Variants in XKR9 observed in about 807,000 individuals in gnomAD.
XKR9 encodes XK related 9.
A neutral mutation model predicts 32.0 loss-of-function variants in XKR9; 32 were observed. The observed-to-expected ratio is 1.00, with a 90% confidence interval of 0.76 to 1.34. The LOEUF is 1.34. XKR9 is among the 40% of genes most tolerant of loss of function. The pLI is 0.00. For missense variants in XKR9, 546 were observed against 429.7 expected, an observed-to-expected ratio of 1.27 and a Z score of -2.39; for synonymous variants, 168 against 143.4, an observed-to-expected ratio of 1.17 and a Z score of -1.22.
At chr8:70,874,286 T>C in the XKR9 span, among the ~76,000 whole-genome samples, 1 of 152,154 alleles carries the variant, frequency 6.6e-6, no homozygotes, top group African/African-American at 2.4e-5. Context: ...AAATAACGTA[T>C]GAAGGTTACT....
the XKR9 span, among the ~76,000 whole-genome samples, chr8:71,063,440 A>G: frequency 6.6e-6 from 1 of 152,142 alleles, no homozygotes; most frequent in Admixed American, 6.6e-5. Flanking sequence ...GGTAGGAGCA[A>G]GAATTCTGCA....
the XKR9 span, among the ~76,000 whole-genome samples, chr8:70,856,744 G>A: frequency 1.1e-4 from 17 of 152,242 alleles, no homozygotes; most frequent in Middle Eastern, 0.017. Flanking sequence ...CTCAGCAAAT[G>A]TAAAAGAACA....
At chr8:70,935,254 T>C in the XKR9 span, among the ~76,000 whole-genome samples, 31 of 150,688 alleles carry the variant, frequency 2.1e-4, no homozygotes, top group African/African-American at 7.3e-4. Flanking sequence ...TAAATTGGAA[T>C]ATTATTACAT....
chr8:70,698,545 A>T (rs9694313), intron 3 of XKR9, among the ~76,000 whole-genome samples: 49,115 of 151,148 alleles, frequency 0.32, 8,870 homozygotes, highest in Middle Eastern at 0.43. Context: ...CTGTGGTCTG[A>T]GAGACAGTTT....
At chr8:70,896,779 A>T in the XKR9 span, among the ~76,000 whole-genome samples, 1 of 151,816 alleles carries the variant, frequency 6.6e-6, no homozygotes, top group Admixed American at 6.6e-5. Flanking sequence ...TATTAATGGG[A>T]TGTATGAGAT....
At position 70,709,619 on chromosome 8, in the gene XKR9, C is replaced by T. The variant is rs560682882; in HGVS notation, c.493+2466C>T. 7.2e-5 allele frequency among the ~76,000 whole-genome samples: 11 copies of T among 152,180 alleles called. No homozygotes were observed. In the South Asian group the frequency reaches 2.1e-3, roughly 29 times the overall value. ...CTTCAGTAAAATTGGTATACAAGAT[C>T]GATGTACAAAACAGTAGCATTTTTT... On this transcript the variant is annotated intron_variant, in intron 4 of 4. Transcript: ENST00000408926.
At chr8:70,766,316 T>C (rs918608546) in intron 2 of XKR9, among the ~76,000 whole-genome samples, 2 of 152,232 alleles carry the variant, frequency 1.3e-5, no homozygotes, top group African/African-American at 4.8e-5. Flanking sequence ...GAAGAGGTCC[T>C]TTACATCCTT....
the XKR9 span, among the ~76,000 whole-genome samples, chr8:70,813,498 A>G: frequency 6.6e-6 from 1 of 152,198 alleles, no homozygotes; most frequent in Non-Finnish European, 1.5e-5. Flanking sequence ...ATCAGAGTGA[A>G]CAGGCAACCT....
At chr8:70,924,488 C>T in the XKR9 span, among the ~76,000 whole-genome samples, 1 of 152,280 alleles carries the variant, frequency 6.6e-6, no homozygotes, top group East Asian at 1.9e-4. Context: ...AACTCTTAAC[C>T]TATCATCTGG....
the XKR9 span, among the ~76,000 whole-genome samples, chr8:70,847,369 G>A: frequency 1.3e-5 from 2 of 151,852 alleles, no homozygotes; most frequent in South Asian, 2.1e-4. Context: ...TTATATTAAT[G>A]AATACCTACA....
intron 3 of XKR9, among the ~76,000 whole-genome samples, chr8:70,684,240 TC>T (rs1477913205): frequency 2.0e-5 from 3 of 152,208 alleles, no homozygotes; most frequent in African/African-American, 7.2e-5. Flanking sequence ...TTTAACATTT[TC>T]TTTACTATAT....
the XKR9 span, among the ~76,000 whole-genome samples, chr8:71,038,698 A>G: frequency 2.2e-5 from 3 of 138,970 alleles, no homozygotes; most frequent in Non-Finnish European, 4.5e-5. Flanking sequence ...TATTAATTGT[A>G]TTACTTCAGC....
chr8:70,933,628 T>G, the XKR9 span, among the ~76,000 whole-genome samples: 1 of 152,042 alleles, frequency 6.6e-6, no homozygotes, highest in African/African-American at 2.4e-5. Context: ...TCACTGTTTC[T>G]CCTAAGTGAT....
chr8:70,793,652 C>G (rs1267595621), downstream of XKR9, among the ~76,000 whole-genome samples: 2 of 152,106 alleles, frequency 1.3e-5, no homozygotes, highest in African/African-American at 4.8e-5. Flanking sequence ...TCATCTAAAA[C>G]CAATTGATCA....
the XKR9 span, among the ~76,000 whole-genome samples, chr8:71,039,178 A>C: frequency 6.6e-6 from 1 of 152,136 alleles, no homozygotes; most frequent in Non-Finnish European, 1.5e-5. Context: ...GTATTCTACA[A>C]AGGTGGTTAG....
chr8:71,032,787 G>A, the XKR9 span, among the ~76,000 whole-genome samples: 3 of 152,154 alleles, frequency 2.0e-5, no homozygotes, highest in South Asian at 4.1e-4. Context: ...TATTTTCCTC[G>A]TGTTTTAAAA....
chr8:70,951,081 C>CTTT, the XKR9 span, among the ~76,000 whole-genome samples: 1 of 152,160 alleles, frequency 6.6e-6, no homozygotes, highest in Admixed American at 6.5e-5. Context: ...TTTATTGCAG[C>CTTT]TTTTAGTGAC....
At chr8:70,871,507 T>C in the XKR9 span, among the ~76,000 whole-genome samples, 1 of 152,318 alleles carries the variant, frequency 6.6e-6, no homozygotes, top group Non-Finnish European at 1.5e-5. Context: ...GCTTCTATGG[T>C]GATCAGCAAT....
At chr8:70,744,037 G>A (rs1807023935) in intron 2 of XKR9, among the ~76,000 whole-genome samples, 1 of 152,086 alleles carries the variant, frequency 6.6e-6, no homozygotes, top group East Asian at 1.9e-4. Flanking sequence ...TAATCTTTCT[G>A]TAATGTTTGC....
Sources: allele counts gnomAD v4.1 joint callset (sites outside exome capture counted in the v4.1 genomes callset), GRCh38; gene constraint gnomAD v4.1.1; transcripts MANE v1.5; gene names NCBI Gene and HGNC (gene_info 2026-07-23, HGNC 2026-07-21).